Variants in PREPL observed in about 807,000 individuals in gnomAD.
PREPL encodes prolyl endopeptidase like, also known as prolyl endopeptidase-like.
A neutral mutation model predicts 70.6 loss-of-function variants in PREPL; 77 were observed. The observed-to-expected ratio is 1.09, with a 90% CI of 0.91 to 1.32. The LOEUF is 1.32. Ranked by LOEUF, PREPL falls within the 40% of genes most tolerant of loss-of-function variation. PREPL has a pLI of 0.00. For missense variants in PREPL, 1,002 were observed against 778.2 expected (o/e 1.29, Z -3.42); for synonymous variants, 315 against 264.8 (o/e 1.19, Z -1.84).
Position 44,320,224 on chromosome 2 carries a change from C to T in PREPL, c.*1132G>A. On this transcript the variant is annotated 3_prime_UTR_variant, in exon 14 of 14. Coordinates refer to ENST00000409411, the MANE Select transcript of PREPL (RefSeq NM_001171613.2). The stretch of plus-strand genomic sequence containing the variant: ...GTCCAAAAGACTCAGCCCAGATCGG[C>T]TTTGAAGTTATATCAAGATTTAAGT... 1 of 1,613,882 alleles carries T rather than the reference C, an allele frequency of 6.2e-7. No individual in the cohort carries two copies. Among genetic ancestry groups the T allele is most frequent in the South Asian group, 1.1e-5 (1 of 91,048 alleles).
chr2:44,335,197 A>G (rs997028064), intron 7 of PREPL, among the ~76,000 whole-genome samples: 1 of 152,240 alleles, frequency 6.6e-6, no homozygotes, highest in African/African-American at 2.4e-5. Flanking sequence ...AATTAAAGAC[A>G]TAATGTTTGT....
chr2:44,322,684 G>A (rs775855209), intron 12 of PREPL, 47 bp downstream of exon 12: 16 of 1,593,334 alleles, frequency 1.0e-5, no homozygotes, highest in Middle Eastern at 3.4e-4. Flanking sequence ...TGTGCTGTGG[G>A]TAGTAGTCTG....
Position 44,338,596 on chromosome 2 carries a change from G to A in PREPL, c.703-60C>T, listed in dbSNP as rs1031719359. 4.4e-6 allele frequency: 6 copies of A among 1,365,398 alleles called. 1 individual carries two copies. The African/African-American group carries it at 8.7e-5, about 20-fold the overall frequency. 84.6% of individuals were successfully genotyped at this position (1,365,398 alleles called of 1,614,324 possible). ...GAAAACACGAAGGCTGCAGCATCCA[G>A]AGATGCAATCACTGAGAACTAGACC... On this transcript the variant is annotated intron_variant, in intron 6 of 13. Coordinates refer to ENST00000409411, the MANE Select transcript of PREPL (RefSeq NM_001171613.2).
At chr2:44,352,891 A>G (rs908650671) in intron 1 of PREPL, among the ~76,000 whole-genome samples, 5 of 152,228 alleles carry the variant, frequency 3.3e-5, no homozygotes, top group Non-Finnish European at 5.9e-5. Context: ...CAATTAAAAG[A>G]AGGTCAAAAG....
intron 1 of PREPL, chr2:44,360,606 G>C (rs1213916255): frequency 6.6e-6 from 1 of 152,184 alleles, no homozygotes; most frequent in Non-Finnish European, 1.5e-5. Context: ...AAGTAGTTAA[G>C]AGTCAGAGAG....
At position 44,323,359 on chromosome 2, in the gene PREPL, G is replaced by A; in HGVS notation, c.1532C>T (p.Thr511Ile). The A allele has an allele frequency of 6.2e-7, 1 of 1,605,744 alleles. No homozygotes were observed. The highest frequency in any genetic ancestry group is 8.5e-7 in the Non-Finnish European group (1 of 1,172,892). Residue 511 changes from threonine to isoleucine, a missense_variant, in exon 11 of 14, where the codon ACA becomes ATA. By Grantham distance (89) the Thr-to-Ile change is moderately conservative. Transcript: ENST00000409411. ...CCCCCATTCTTCTAATTCTTCTAAT[G>A]TCAGAGGAAGTGTAGTGTCCATCAT... ...NTMMDTTLPL[T>I]LEELEEWGNP...
At chr2:44,338,307 A>C in intron 7 of PREPL, 44 bp downstream of exon 7, 1 of 1,514,070 alleles carries the variant, frequency 6.6e-7, no homozygotes, top group Non-Finnish European at 9.0e-7. Flanking sequence ...TAAACTGCAT[A>C]AATATTTTGA....
chr2:44,324,157 C>G (rs559666136), intron 10 of PREPL, among the ~76,000 whole-genome samples: 1 of 152,160 alleles, frequency 6.6e-6, no homozygotes, highest in African/African-American at 2.4e-5. Flanking sequence ...AGGATATAAT[C>G]TAAGTGAAAT....
rs78785946 is a variant in PREPL, at chr2:44,333,826, A to G, written c.889-1170T>C. ...CATAGTTATAAGCAAGCAAACTGAG[A>G]CTTGAGAGGGGAAAAAAAGGAAGCA... On this transcript the variant is annotated intron_variant, in intron 7 of 13. Transcript: ENST00000409411. Among the ~76,000 whole-genome samples, 1,191 of 152,264 alleles carry G rather than the reference A, an allele frequency of 7.8e-3. 10 individuals are homozygous for G. Among genetic ancestry groups the G allele is most frequent in the African/African-American group, 0.027 (1,133 of 41,538 alleles).
intron 1 of PREPL, among the ~76,000 whole-genome samples, chr2:44,350,726 T>G (rs1009133591): frequency 1.3e-5 from 2 of 152,210 alleles, no homozygotes; most frequent in African/African-American, 4.8e-5. Context: ...GCTCTTCTTA[T>G]GCCACTGACT....
At chr2:44,336,568 C>T (rs1674665650) in intron 7 of PREPL, among the ~76,000 whole-genome samples, 1 of 152,008 alleles carries the variant, frequency 6.6e-6, no homozygotes, top group South Asian at 2.1e-4. Flanking sequence ...TGAAAAACTA[C>T]CTATTGGGTA....
rs200491145 is a variant in PREPL, at chr2:44,342,509, G to A, written c.393C>T (p.Thr131=). 2.2e-4 allele frequency: 347 copies of A among 1,610,398 alleles called. 1 individual carries two copies. The highest frequency in any genetic ancestry group is 8.0e-4 in the South Asian group (73 of 90,946). The change falls in exon 5 of 14, where the codon ACC becomes ACT. Residue 131 remains threonine (T), a synonymous_variant. Transcript: ENST00000409411. ...DEEDEDVLFY[T]FQRNLRCHDV... is the part of the protein sequence containing the mutation. The stretch of plus-strand genomic sequence containing the variant: ...CATGACAGCGAAGGTTCCTCTGGAA[G>A]GTGTAGAATAAAACATCTTCATCTT...
intron 8 of PREPL, among the ~76,000 whole-genome samples, 167 bp downstream of exon 8, chr2:44,332,292 T>G (rs1674193887): frequency 6.6e-6 from 1 of 152,168 alleles, no homozygotes; most frequent in African/African-American, 2.4e-5. Context: ...ACATGAATAT[T>G]AAGGTTAAAA....
intron 1 of PREPL, among the ~76,000 whole-genome samples, chr2:44,350,898 G>A (rs1467433337): frequency 6.6e-6 from 1 of 151,610 alleles, no homozygotes; most frequent in African/African-American, 2.4e-5. Context: ...CATTCTCCTT[G>A]TTTTCCTCTT....
At chr2:44,345,650 C>T (rs1245729946) in intron 2 of PREPL, among the ~76,000 whole-genome samples, 1 of 151,728 alleles carries the variant, frequency 6.6e-6, no homozygotes, top group Non-Finnish European at 1.5e-5. Flanking sequence ...ACGCACAGCC[C>T]TCAATTCATT....
intron 12 of PREPL, 37 bp downstream of exon 12, chr2:44,322,694 G>C (rs2103684332): frequency 6.2e-7 from 1 of 1,601,896 alleles, no homozygotes; most frequent in East Asian, 2.2e-5. Context: ...GTAGTAGTCT[G>C]TTTGGCCATG....
Position 44,342,499 on chromosome 2 carries a change from T to A in PREPL, c.403A>T (p.Asn135Tyr), listed in dbSNP as rs745997350. 3.1e-6 allele frequency: 5 copies of A among 1,612,746 alleles called. No individual in the cohort carries two copies. In the African/African-American group the frequency reaches 5.3e-5, roughly 17 times the overall value. Residue 135 changes from asparagine to tyrosine, a missense_variant, in exon 5 of 14, where the codon AAC becomes TAC. Transcript: ENST00000409411. ...CGATATACGTCATGACAGCGAAGGT[T>A]CCTCTGGAAGGTGTAGAATAAAACA... ...EDVLFYTFQR[N>Y]LRCHDVYRAT...
In PREPL at chr2:44,344,601, A is replaced by G. The variant is rs760738007; in HGVS notation, c.76-15T>C. 1.3e-6 allele frequency: 2 copies of G among 1,572,404 alleles called. No homozygotes were observed. The highest frequency in any genetic ancestry group is 2.4e-5 in the South Asian group (2 of 83,652). On this transcript the variant is annotated splice_polypyrimidine_tract_variant and intron_variant, in intron 2 of 13. Coordinates refer to ENST00000409411, the MANE Select transcript of PREPL (RefSeq NM_001171613.2). Reference sequence around the variant, plus strand: ...CCATGTTTAACCTGACAAAAGAAACATGCAGTTTACTTAATAATAATTTAA... The same window carrying G: ...CCATGTTTAACCTGACAAAAGAAACGTGCAGTTTACTTAATAATAATTTAA...
In PREPL at chr2:44,346,708, A is replaced by G. The variant is rs535241984; in HGVS notation, c.-48-318T>C. Among the ~76,000 whole-genome samples the G allele has an allele frequency of 9.9e-5, 15 of 152,232 alleles. No homozygotes were observed. In the South Asian group the frequency reaches 1.7e-3, roughly 17 times the overall value. ...GAAATACTATGGGGAAAATTTATAC[A>G]CAATTAAGGAGAAAATAAAATTCCA... On this transcript the variant is annotated intron_variant, in intron 1 of 13. Transcript: ENST00000409411.
Sources: allele counts gnomAD v4.1 joint callset (sites outside exome capture counted in the v4.1 genomes callset), GRCh38; gene constraint gnomAD v4.1.1; transcripts MANE v1.5; gene names NCBI Gene and HGNC (gene_info 2026-07-23, HGNC 2026-07-21).